NEB: variants seen among roughly 807,000 people sequenced by gnomAD.
NEB encodes the protein nemaline myopathy type 2.
Under a neutral mutation model 952.2 loss-of-function variants are expected in NEB, and 512 were observed. The observed-to-expected ratio is 0.54, with a 90% CI of 0.50 to 0.58. The LOEUF is 0.58. NEB is among the 20% of genes least tolerant of loss of function. The pLI is 0.00. For synonymous variants in NEB, 2,900 were observed against 3,149.8 expected, an observed-to-expected ratio of 0.92 and a Z score of 2.66; for missense variants, 8,428 against 9,231.1, an observed-to-expected ratio of 0.91 and a Z score of 3.56.
intron 8 of NEB, among the ~76,000 whole-genome samples, chr2:151,723,750 G>GTTTTTTTTT (rs11308757): frequency 1.9e-5 from 1 of 51,356 alleles, no homozygotes; most frequent in Non-Finnish European, 3.7e-5. Flanking sequence ...TGCCTTCTTT[G>GTTTTTTTTT]TTTTTTTTTT....
intron 107 of NEB, among the ~76,000 whole-genome samples, chr2:151,575,120 T>C (rs1230002857): frequency 1.3e-5 from 2 of 152,176 alleles, no homozygotes; most frequent in African/African-American, 4.8e-5. Context: ...ACTAGGCTCC[T>C]GGTAATTTAT....
At position 151,549,506 on chromosome 2, in the gene NEB, T is replaced by A. The variant is rs1183522764; in HGVS notation, c.20049+130A>T. The A allele has an allele frequency of 5.7e-6, 4 of 703,912 alleles. No individual in the cohort carries two copies. The Admixed American group carries it at 8.5e-5, about 15-fold the overall frequency. The allele number at this position is 703,912 out of a possible 1,614,324, so 43.6% of individuals were successfully genotyped here. On this transcript the variant is annotated intron_variant, in intron 130 of 181. Transcript: ENST00000397345. ...CCTCAAAAATATGCTGTCTCTCCTC[T>A]CCAGCTCCCATCATTCTATCAGGTT...
At chr2:151,657,769 C>A (rs2099102238) in intron 48 of NEB, among the ~76,000 whole-genome samples, 1 of 152,154 alleles carries the variant, frequency 6.6e-6, no homozygotes, top group Non-Finnish European at 1.5e-5. Flanking sequence ...TCTCATGAGT[C>A]AGGGAGCTGA....
intron 65 of NEB, among the ~76,000 whole-genome samples, chr2:151,631,634 AG>A (rs2098669989): frequency 6.6e-6 from 1 of 152,188 alleles, no homozygotes; most frequent in Admixed American, 6.5e-5. Flanking sequence ...ATCCCTATGC[AG>A]GGAAGAATAC....
rs764813791 is a variant in NEB at position 151,493,430 on chromosome 2, T to G, written c.24688A>C (p.Asn8230His). ...GGTGTCGGAGTTGCTTTTCTCATGT[T>G]CTCTTTGTACAATACCTAGGGAAGC... ...ENFSSVLYKE[N>H]MRKATPTPVT... is the part of the protein sequence containing the mutation. The change falls in exon 176 of 182, where the codon AAC becomes CAC. Residue 8230 changes from asparagine to histidine, a missense_variant. Physicochemically the swap from Asn to His is moderately conservative, Grantham distance 68. Coordinates refer to ENST00000397345, the MANE Select transcript of NEB (RefSeq NM_001164508.2). 1 of 1,604,686 alleles carries G rather than the reference T, an allele frequency of 6.2e-7. No individual in the cohort carries two copies. Among genetic ancestry groups the G allele is most frequent in the South Asian group, 1.1e-5 (1 of 88,318 alleles).
intron 76 of NEB, among the ~76,000 whole-genome samples, chr2:151,615,704 A>AT (rs888382086): frequency 2.0e-5 from 3 of 151,936 alleles, no homozygotes; most frequent in South Asian, 2.1e-4. Context: ...TTATTTATTT[A>AT]TTTTTTTTGA....
chr2:151,570,629 C>G, intron 107 of NEB, 28 bp from the exon 108 acceptor site: 1 of 1,555,330 alleles, frequency 6.4e-7, no homozygotes, highest in Non-Finnish European at 8.7e-7. Context: ...AAGGTATCAT[C>G]CTAGATTCAA....
intron 174 of NEB, 100 bp from the exon 175 acceptor site, chr2:151,493,967 A>G (rs768131934): frequency 1.1e-6 from 1 of 931,484 alleles, no homozygotes; most frequent in Admixed American, 2.7e-5. Flanking sequence ...ATCTATTACT[A>G]TTAGTGAGAA....
At chr2:151,506,407 C>T in intron 163 of NEB, 149 bp from the exon 164 acceptor site, 1 of 633,848 alleles carries the variant, frequency 1.6e-6, no homozygotes, top group Admixed American at 2.8e-5. Flanking sequence ...CTGACATTTC[C>T]ATGTCAGTAT....
Position 151,663,601 on chromosome 2 carries a change from G to A in NEB, c.5710C>T (p.Pro1904Ser). ...GCCAATTCAAAGCTCATGGCATCAG[G>A]AAGCATGTTGTAGGTATGGATCACG... ...RNVIHTYNML[P>S]DAMSFELAKN... Residue 1904 changes from proline to serine, a missense_variant, in exon 45 of 182, where the codon CCT becomes TCT. Around this residue, in one of 11 missense-constraint regions of NEB, gnomAD observed 2,851 missense variants for 2,791.5 expected, o/e 1.02. Transcript: ENST00000397345. The A allele has an allele frequency of 1.2e-6, 2 of 1,613,478 alleles. No homozygotes were observed. Among genetic ancestry groups the A allele is most frequent in the Middle Eastern group, 1.7e-4 (1 of 6,060 alleles).
rs373699055 is a variant in NEB at position 151,677,574 on chromosome 2, T to A, written c.3765A>T (p.Gln1255His). The A allele has an allele frequency of 2.5e-6, 4 of 1,613,090 alleles. No individual in the cohort carries two copies. Among genetic ancestry groups the A allele is most frequent in the Non-Finnish European group, 3.4e-6 (4 of 1,179,252 alleles). ...VMVQAKQNTK[Q>H]VSDILYKAKG... is the part of the protein sequence containing the mutation. Reference sequence around the variant, plus strand: ...ATTTTATTGTACTCACATCACTGACTTGCTTCGTGTTCTGTTTTGCCTGGA... The same window carrying A: ...ATTTTATTGTACTCACATCACTGACATGCTTCGTGTTCTGTTTTGCCTGGA... Residue 1255 changes from glutamine (Q) to histidine (H), a missense_variant, in exon 34 of 182, where the codon CAA (glutamine) becomes CAT (histidine). Coordinates refer to ENST00000397345, the MANE Select transcript of NEB (RefSeq NM_001164508.2).
intron 135 of NEB, 129 bp from the exon 136 acceptor site, chr2:151,541,680 C>A: frequency 1.5e-6 from 1 of 680,516 alleles, no homozygotes; most frequent in East Asian, 2.6e-5. Flanking sequence ...AGTTTCTTCC[C>A]AATAAACCAA....
At chr2:151,661,001 A>G (rs1455249220) in intron 46 of NEB, among the ~76,000 whole-genome samples, 7 of 152,186 alleles carry the variant, frequency 4.6e-5, no homozygotes, top group Admixed American at 1.3e-4. Context: ...GGACAGTGAA[A>G]TGCTAGTGGA....
At chr2:151,671,373 A>G in intron 37 of NEB, 144 bp from the exon 38 acceptor site, 1 of 666,920 alleles carries the variant, frequency 1.5e-6, no homozygotes, top group Non-Finnish European at 2.5e-6. Flanking sequence ...GCTTATCTGG[A>G]GTGTGGTAAT....
At chr2:151,578,624 G>C (rs2096969471) in intron 105 of NEB, among the ~76,000 whole-genome samples, 1 of 151,542 alleles carries the variant, frequency 6.6e-6, no homozygotes, top group Admixed American at 6.6e-5. Context: ...CTCCAGCCAG[G>C]GCCACAGGGC....
At chr2:151,678,764 G>C (rs983443257) in intron 32 of NEB, among the ~76,000 whole-genome samples, 1 of 152,096 alleles carries the variant, frequency 6.6e-6, no homozygotes, top group African/African-American at 2.4e-5. Context: ...GTGGGACACT[G>C]AGAAGCAGAG....
At chr2:151,707,143 A>T in intron 12 of NEB, 146 bp from the exon 13 acceptor site, 1 of 600,990 alleles carries the variant, frequency 1.7e-6, no homozygotes, top group Middle Eastern at 4.4e-4. Context: ...ACTCATAGTA[A>T]CTCTTAAAAG....
At position 151,491,803 on chromosome 2, in the gene NEB, A is replaced by C. The variant is rs948788560; in HGVS notation, c.25058-28T>G. 73 of 1,526,810 alleles carry C rather than the reference A, an allele frequency of 4.8e-5. No individual in the cohort carries two copies. In the Middle Eastern group the frequency reaches 5.1e-4, roughly 11 times the overall value. 94.6% of individuals were successfully genotyped at this position (1,526,810 alleles called of 1,614,324 possible). A position where few individuals can be genotyped will look rare whatever the true frequency, so the allele number is the denominator to read the frequency against. On this transcript the variant is annotated intron_variant, in intron 178 of 181. Transcript: ENST00000397345. ...GAAAGGGAAACCAGTGATCAGAACA[A>C]GTGTTCTTGGAGTTTTCCAATAACT...
At position 151,490,535 on chromosome 2, in the gene NEB, TGGG is replaced by T. The variant is rs1380099798; in HGVS notation, c.25151-20_25151-18del. The T allele has an allele frequency of 6.2e-7, 1 of 1,605,570 alleles. No individual in the cohort carries two copies. Among genetic ancestry groups the T allele is most frequent in the Admixed American group, 1.7e-5 (1 of 59,206 alleles). On this transcript the variant is annotated intron_variant, in intron 179 of 181. Transcript: ENST00000397345. ...GAGCTTGGACTGGGAGAGATGCAGT[TGGG>T]GGAGATGTAGCAAACATGAAATTTC...
Sources: allele counts gnomAD v4.1 joint callset (sites outside exome capture counted in the v4.1 genomes callset), GRCh38; gene constraint gnomAD v4.1.1; regional missense constraint gnomAD v4.1.1; transcripts MANE v1.5; gene names NCBI Gene and HGNC (gene_info 2026-07-23, HGNC 2026-07-21).